The following GPHN variants were observed in gnomAD, a reference collection of about 807,000 sequenced individuals.
GPHN encodes the protein gephyrin.
Under a neutral mutation model 95.5 loss-of-function variants are expected in GPHN, and 17 were observed. The ratio of observed to expected loss-of-function variants is 0.18; its 90% CI spans 0.12 to 0.27. The LOEUF (loss-of-function observed/expected upper bound fraction) is 0.27, where lower values mean the gene tolerates loss of function less well. GPHN is among the 10% of genes least tolerant of loss of function. The pLI, the probability that GPHN is intolerant of heterozygous loss-of-function variation, is 1.00. For synonymous variants in GPHN, 320 were observed against 322.5 expected, an observed-to-expected ratio of 0.99 and a Z score of 0.08; for missense variants, 660 against 978.1, an observed-to-expected ratio of 0.67 and a Z score of 4.34.
At chr14:66,920,114 G>A (rs113986759) in intron 6 of GPHN, among the ~76,000 whole-genome samples, 2,302 of 152,192 alleles carry the variant, frequency 0.015, 33 homozygotes, top group Non-Finnish European at 0.018. Context: ...ACCCATCCAA[G>A]ATACAGCAGT....
At chr14:67,468,831 G>A in the GPHN span, among the ~76,000 whole-genome samples, 1 of 152,074 alleles carries the variant, frequency 6.6e-6, no homozygotes, top group Admixed American at 6.6e-5. Context: ...GGAGGCGGAG[G>A]TTGCAGTGAG....
rs1567314543 is a variant in GPHN at position 67,089,124 on chromosome 14, TCTTTTTTTC to T, written c.1237+50_1237+58del. On this transcript the variant is annotated intron_variant, in intron 12 of 22. Transcript: ENST00000478722. ...CATAATCAGGCACTGTATTTTTTTT[TCTTTTTTTC>T]TTTTTTTTTTTTTTTTTTTTTTTTT... 267 of 630,964 alleles carry T rather than the reference TCTTTTTTTC, an allele frequency of 4.2e-4. 2 individuals are homozygous for T. The highest frequency in any genetic ancestry group is 5.4e-4 in the Non-Finnish European group (204 of 378,652). 39.1% of individuals were successfully genotyped at this position (630,964 alleles called of 1,614,324 possible). A position where few individuals can be genotyped will look rare whatever the true frequency, so the allele number is the denominator to read the frequency against.
At chr14:67,021,692 G>A (rs944561662) in intron 9 of GPHN, among the ~76,000 whole-genome samples, 1 of 151,948 alleles carries the variant, frequency 6.6e-6, no homozygotes, top group Non-Finnish European at 1.5e-5. Flanking sequence ...GAGACAATTT[G>A]AACTACTCAT....
intron 4 of GPHN, among the ~76,000 whole-genome samples, chr14:66,826,084 A>AT (rs1240435962): frequency 1.3e-5 from 2 of 152,128 alleles, no homozygotes; most frequent in East Asian, 3.8e-4. Context: ...ATATTTTCAT[A>AT]TTTTTTCATA....
At chr14:67,670,423 G>GCAAACTCC in the GPHN span, among the ~76,000 whole-genome samples, 15 of 151,944 alleles carry the variant, frequency 9.9e-5, no homozygotes, top group African/African-American at 3.6e-4. Flanking sequence ...TTCCCATCTA[G>GCAAACTCC]CAAACTCCCA....
the GPHN span, chr14:67,692,474 T>G: frequency 1.2e-6 from 2 of 1,614,150 alleles, no homozygotes; most frequent in Non-Finnish European, 1.7e-6. Flanking sequence ...CGAATAGACT[T>G]AGTATCAGAC....
intron 9 of GPHN, among the ~76,000 whole-genome samples, chr14:67,005,787 T>C (rs144802863): frequency 6.8e-4 from 104 of 152,082 alleles, no homozygotes; most frequent in African/African-American, 2.4e-3. Context: ...TGACTTTTAT[T>C]AGTAGAGAAA....
At chr14:66,947,123 C>T (rs2153576572) in intron 8 of GPHN, among the ~76,000 whole-genome samples, 1 of 152,296 alleles carries the variant, frequency 6.6e-6, no homozygotes, top group African/African-American at 2.4e-5. Context: ...GATTTCTAGG[C>T]TCTTCTCTTA....
chr14:67,161,292 CAAAAAAGA>C (rs2081965077), intron 19 of GPHN, among the ~76,000 whole-genome samples: 2 of 148,378 alleles, frequency 1.3e-5, no homozygotes, highest in Non-Finnish European at 3.0e-5. Flanking sequence ...GACCTTGTCT[CAAAAAAGA>C]AAAAAAGAAA....
In GPHN at chr14:66,706,257, A is replaced by G. The variant is rs528103283; in HGVS notation, c.143+25072A>G. On this transcript the variant is annotated intron_variant, in intron 2 of 22. Transcript: ENST00000478722. ...CTACCCAAAGTAATGTATAGATTCA[A>G]TGCTGTTCCCATCAAACTACCATTG... Among the ~76,000 whole-genome samples the G allele has an allele frequency of 5.9e-5, 9 of 152,310 alleles. No individual in the cohort carries two copies. In the East Asian group the frequency reaches 1.5e-3, roughly 26 times the overall value.
the GPHN span, among the ~76,000 whole-genome samples, chr14:67,193,966 GAAAAACAAAAAA>G: frequency 1.1e-5 from 1 of 93,582 alleles, no homozygotes; most frequent in South Asian, 3.9e-4. Flanking sequence ...AAAAAAAAAC[GAAAAACAAAAAA>G]AAAAACAGAA....
chr14:67,629,528 G>C, the GPHN span, among the ~76,000 whole-genome samples: 1 of 152,198 alleles, frequency 6.6e-6, no homozygotes, highest in Non-Finnish European at 1.5e-5. Context: ...GACTTGGTGG[G>C]AGAAGGAAAT....
chr14:66,885,024 G>C (rs531996581), intron 5 of GPHN, among the ~76,000 whole-genome samples: 2 of 151,796 alleles, frequency 1.3e-5, no homozygotes, highest in South Asian at 4.2e-4. Flanking sequence ...TTTTATAACT[G>C]ATATTGGTTA....
intron 9 of GPHN, among the ~76,000 whole-genome samples, chr14:66,987,800 G>C (rs1301100683): frequency 3.3e-5 from 5 of 152,132 alleles, no homozygotes; most frequent in African/African-American, 1.2e-4. Context: ...GTTATAGAAA[G>C]ACCTTTGATG....
At chr14:67,185,186 G>C (rs958416309), downstream of GPHN, among the ~76,000 whole-genome samples, 3 of 152,196 alleles carry the variant, frequency 2.0e-5, no homozygotes, top group African/African-American at 7.2e-5. Context: ...ACAAAGTAGA[G>C]GGAAGATTTG....
intron 2 of GPHN, among the ~76,000 whole-genome samples, chr14:66,733,484 A>C (rs1411832141): frequency 6.6e-6 from 1 of 152,086 alleles, no homozygotes; most frequent in Non-Finnish European, 1.5e-5. Flanking sequence ...AATCCAATAA[A>C]ATATATGAAT....
chr14:66,998,215 TC>T (rs1346243057), intron 9 of GPHN, among the ~76,000 whole-genome samples: 2 of 152,194 alleles, frequency 1.3e-5, no homozygotes, highest in Non-Finnish European at 2.9e-5. Context: ...TAGATTTGTT[TC>T]TTTCATTGTG....
the GPHN span, among the ~76,000 whole-genome samples, chr14:67,306,513 TTG>T: frequency 4.6e-4 from 68 of 147,330 alleles, no homozygotes; most frequent in South Asian, 1.5e-3. Flanking sequence ...CTGGCTGAAT[TTG>T]TGTGTGTGTG....
At chr14:67,199,164 C>T in the GPHN span, 2 of 1,597,108 alleles carry the variant, frequency 1.3e-6, no homozygotes, top group Non-Finnish European at 8.6e-7. Flanking sequence ...ACTGTTTCTC[C>T]AGGCTGGACC....
Sources: allele counts gnomAD v4.1 joint callset (sites outside exome capture counted in the v4.1 genomes callset), GRCh38; gene constraint gnomAD v4.1.1; transcripts MANE v1.5; gene names NCBI Gene and HGNC (gene_info 2026-07-23, HGNC 2026-07-21).